RALGAPA2: variants seen among roughly 807,000 people sequenced by gnomAD.
RALGAPA2 encodes the protein ral GTPase-activating protein subunit alpha-2.
RALGAPA2 carries 139 observed loss-of-function variants against 230.4 expected under a neutral mutation model. The observed-to-expected ratio is 0.60, with a 90% CI of 0.53 to 0.69. RALGAPA2 has a LOEUF of 0.69. RALGAPA2 is among the 30% of genes least tolerant of loss of function. The pLI is 0.00. For synonymous variants in RALGAPA2, 847 were observed against 837.8 expected (o/e 1.01, Z -0.19); for missense variants, 2,163 against 2,276.0 (o/e 0.95, Z 1.01).
intron 37 of RALGAPA2, among the ~76,000 whole-genome samples, chr20:20,428,345 T>C (rs564719429): frequency 6.6e-6 from 1 of 152,256 alleles, no homozygotes; most frequent in African/African-American, 2.4e-5. Context: ...ATAACTGCAG[T>C]ATTACTTAAA....
At chr20:20,633,126 TTTTC>T (rs762104052) in intron 9 of RALGAPA2, among the ~76,000 whole-genome samples, 47 of 151,524 alleles carry the variant, frequency 3.1e-4, no homozygotes, top group South Asian at 8.4e-4. Flanking sequence ...TCTCTCTTTC[TTTTC>T]TTTCTTTCTT....
At chr20:20,552,116 G>C (rs1005281278) in intron 23 of RALGAPA2, among the ~76,000 whole-genome samples, 4 of 152,150 alleles carry the variant, frequency 2.6e-5, no homozygotes, top group African/African-American at 9.7e-5. Flanking sequence ...AAATGTTCAA[G>C]AAGTAGCCAT....
intron 4 of RALGAPA2, among the ~76,000 whole-genome samples, chr20:20,644,025 G>A (rs915880961): frequency 6.6e-6 from 1 of 152,154 alleles, no homozygotes; most frequent in African/African-American, 2.4e-5. Flanking sequence ...CTGTCAAGGA[G>A]GCAGAATCAA....
chr20:20,547,765 T>C (rs542012376), intron 23 of RALGAPA2, among the ~76,000 whole-genome samples: 1 of 152,342 alleles, frequency 6.6e-6, no homozygotes. Context: ...CGCTTTATGA[T>C]GAGGATACAT....
At chr20:20,416,748 A>G (rs1447206680) in intron 37 of RALGAPA2, among the ~76,000 whole-genome samples, 1 of 152,202 alleles carries the variant, frequency 6.6e-6, no homozygotes, top group African/African-American at 2.4e-5. Context: ...GTTGTTTAGC[A>G]CTATCAAGCT....
At chr20:20,625,881 T>C (rs371598386) in intron 10 of RALGAPA2, among the ~76,000 whole-genome samples, 3 of 152,336 alleles carry the variant, frequency 2.0e-5, no homozygotes, top group South Asian at 4.1e-4. Flanking sequence ...AGGGATACCC[T>C]GAGCCTTGTC....
At chr20:20,504,887 T>C (rs2062486547) in intron 34 of RALGAPA2, 2 of 642,180 alleles carry the variant, frequency 3.1e-6, no homozygotes, top group African/African-American at 2.0e-5. Flanking sequence ...TATGTCTGTA[T>C]GTCAGAGTAC....
intron 31 of RALGAPA2, 72 bp downstream of exon 31, chr20:20,520,845 G>A: frequency 7.9e-7 from 1 of 1,261,966 alleles, no homozygotes; most frequent in African/African-American, 1.5e-5. Flanking sequence ...AAAAAAAATA[G>A]AGCAAGCATG....
chr20:20,663,962 T>C (rs2146694184), intron 3 of RALGAPA2, among the ~76,000 whole-genome samples: 1 of 152,314 alleles, frequency 6.6e-6, no homozygotes, highest in South Asian at 2.1e-4. Flanking sequence ...GTTTATCTGA[T>C]AACCAGGACC....
intron 16 of RALGAPA2, among the ~76,000 whole-genome samples, chr20:20,592,662 G>T (rs2065328087): frequency 6.6e-6 from 1 of 152,136 alleles, no homozygotes; most frequent in Non-Finnish European, 1.5e-5. Flanking sequence ...TATCTTAACT[G>T]GCTGGGTCAC....
chr20:20,660,667 TTAAGAACCTC>T (rs2067745550), intron 3 of RALGAPA2, among the ~76,000 whole-genome samples: 1 of 152,192 alleles, frequency 6.6e-6, no homozygotes, highest in African/African-American at 2.4e-5. Context: ...AGTTTTGTAT[TTAAGAACCTC>T]CCATTAAGGT....
At chr20:20,681,239 C>A (rs1225834342) in intron 1 of RALGAPA2, among the ~76,000 whole-genome samples, 1 of 152,176 alleles carries the variant, frequency 6.6e-6, no homozygotes, top group Non-Finnish European at 1.5e-5. Context: ...CCTAAATGGA[C>A]CAATCTCTGC....
chr20:20,395,307 T>C (rs2122607696), intron 39 of RALGAPA2, among the ~76,000 whole-genome samples: 1 of 152,346 alleles, frequency 6.6e-6, no homozygotes, highest in Non-Finnish European at 1.5e-5. Flanking sequence ...CACCCCGTGG[T>C]GGGGAGGTGG....
At chr20:20,674,378 CAA>C (rs2068245151) in intron 3 of RALGAPA2, among the ~76,000 whole-genome samples, 2 of 151,888 alleles carry the variant, frequency 1.3e-5, no homozygotes, top group South Asian at 2.1e-4. Context: ...GGAATAGAAA[CAA>C]AGTTATTTAA....
chr20:20,432,918 G>C (rs1400217844), intron 37 of RALGAPA2, among the ~76,000 whole-genome samples: 1 of 152,198 alleles, frequency 6.6e-6, no homozygotes, highest in Admixed American at 6.5e-5. Context: ...GCAGCACTTG[G>C]TGCATGGGCA....
At chr20:20,513,364 G>A in intron 31 of RALGAPA2, 80 bp from the exon 32 acceptor site, 2 of 1,167,846 alleles carry the variant, frequency 1.7e-6, no homozygotes, top group Non-Finnish European at 2.2e-6. Context: ...TGGGTGGGGG[G>A]CAGGGGGCAG....
In RALGAPA2 at chr20:20,619,341, C is replaced by T. The variant is rs6137081; in HGVS notation, c.1475G>A (p.Ser492Asn). The part of the protein sequence containing the change: ...GRTYSFTSAM[S>N]RGCVTEEENT... ...TTCCTCCTCTGTCACACACCCTCTG[C>T]TCATTGCACTTGTGAAGGAGTATGT... is the stretch of plus-strand genomic sequence containing the variant. Residue 492 changes from serine (S) to asparagine (N), a missense_variant, in exon 12 of 40, where the codon AGC (serine) becomes AAC (asparagine). Transcript: ENST00000202677. 0.012 allele frequency: 19,810 copies of T among 1,612,140 alleles called. 619 individuals carry two copies. Among genetic ancestry groups the T allele is most frequent in the East Asian group, 0.12 (5,449 of 44,780 alleles).
chr20:20,673,053 C>A (rs954379438), intron 3 of RALGAPA2, among the ~76,000 whole-genome samples: 1 of 151,714 alleles, frequency 6.6e-6, no homozygotes, highest in Non-Finnish European at 1.5e-5. Context: ...GGTGTGGTGG[C>A]GGGCACCTGT....
intron 39 of RALGAPA2, among the ~76,000 whole-genome samples, chr20:20,394,275 GGTGTCCT>G (rs1301294056): frequency 6.6e-6 from 1 of 152,060 alleles, no homozygotes; most frequent in Non-Finnish European, 1.5e-5. Flanking sequence ...CCTGGCTCAG[GGTGTCCT>G]GAAATTCAGT....
Sources: allele counts gnomAD v4.1 joint callset (sites outside exome capture counted in the v4.1 genomes callset), GRCh38; gene constraint gnomAD v4.1.1; transcripts MANE v1.5; gene names NCBI Gene and HGNC (gene_info 2026-07-23, HGNC 2026-07-21).